The following ELAPOR1 variants were observed in gnomAD, a reference collection of about 807,000 sequenced individuals.
ELAPOR1 encodes the protein endosome/lysosome-associated apoptosis and autophagy regulator 1.
ELAPOR1 carries 77 observed loss-of-function variants against 119.7 expected under a neutral mutation model. The ratio of observed to expected loss-of-function variants is 0.64; its 90% CI spans 0.54 to 0.78. The LOEUF (loss-of-function observed/expected upper bound fraction) is 0.78. Among genes scored for constraint, ELAPOR1 ranks in the 30% least tolerant of loss-of-function variants. The pLI is 0.00. For missense variants in ELAPOR1, 1,115 were observed against 1,270.4 expected (o/e 0.88, Z 1.86); for synonymous variants, 481 against 487.2 (o/e 0.99, Z 0.17).
intron 1 of ELAPOR1, among the ~76,000 whole-genome samples, chr1:109,156,942 G>A (rs545649273): frequency 6.6e-6 from 1 of 152,196 alleles, no homozygotes; most frequent in African/African-American, 2.4e-5. Context: ...CTCCCAGAGA[G>A]GTGCTTCTCT....
intron 8 of ELAPOR1, chr1:109,186,900 T>C (rs557212185): frequency 1.0e-6 from 1 of 985,468 alleles, no homozygotes; most frequent in East Asian, 1.1e-4. Flanking sequence ...AGATGCTGGG[T>C]CAGACCAAAG....
chr1:109,131,076 G>A lies in ELAPOR1; in HGVS notation c.153+16740G>A, dbSNP rs985975845. On this transcript the variant is annotated intron_variant, in intron 1 of 21. Transcript: ENST00000369939. ...GCTCAGAGTCTCTTAGGAGGTTACAGTCAAGATGTCCTCCAGGGCTGCAGT... is the reference window on the plus strand; with the variant it reads ...GCTCAGAGTCTCTTAGGAGGTTACAATCAAGATGTCCTCCAGGGCTGCAGT... Among the ~76,000 whole-genome samples the A allele has an allele frequency of 5.9e-5, 9 of 152,234 alleles. No homozygotes were observed. In the East Asian group the frequency reaches 1.7e-3, roughly 29 times the overall value.
At chr1:109,146,937 A>G (rs1344553128) in intron 1 of ELAPOR1, among the ~76,000 whole-genome samples, 1 of 150,558 alleles carries the variant, frequency 6.6e-6, no homozygotes, top group Admixed American at 6.6e-5. Flanking sequence ...ACAGAGACTC[A>G]CTTTGTCACC....
At chr1:109,138,512 C>T (rs538611804) in intron 1 of ELAPOR1, among the ~76,000 whole-genome samples, 2 of 150,474 alleles carry the variant, frequency 1.3e-5, no homozygotes, top group Non-Finnish European at 3.0e-5. Context: ...TTTGTGAGGC[C>T]TAGATAAAAT....
intron 1 of ELAPOR1, among the ~76,000 whole-genome samples, chr1:109,145,548 C>T (rs1424549078): frequency 6.6e-6 from 1 of 151,910 alleles, no homozygotes; most frequent in Admixed American, 6.6e-5. Context: ...CTCAGCTACT[C>T]GGGAGGCTGA....
chr1:109,154,768 G>A (rs961122638), intron 1 of ELAPOR1, among the ~76,000 whole-genome samples: 1 of 152,360 alleles, frequency 6.6e-6, no homozygotes, highest in East Asian at 1.9e-4. Context: ...TCTTAGCTCT[G>A]CTGTTGCAGG....
At chr1:109,140,737 C>T (rs1423199222) in intron 1 of ELAPOR1, among the ~76,000 whole-genome samples, 1 of 152,170 alleles carries the variant, frequency 6.6e-6, no homozygotes, top group East Asian at 1.9e-4. Context: ...GTTTCATTAT[C>T]AGAGCAAAAG....
At chr1:109,133,721 T>A (rs1297390633) in intron 1 of ELAPOR1, among the ~76,000 whole-genome samples, 2 of 152,204 alleles carry the variant, frequency 1.3e-5, no homozygotes, top group Non-Finnish European at 2.9e-5. Flanking sequence ...TTAATTACTG[T>A]CTATGAACCA....
chr1:109,140,521 T>C (rs1353242103), intron 1 of ELAPOR1, among the ~76,000 whole-genome samples: 3 of 151,998 alleles, frequency 2.0e-5, no homozygotes, highest in African/African-American at 4.8e-5. Flanking sequence ...AGAGAATGGA[T>C]TGGAGGGGAG....
At chr1:109,195,448 C>G (rs916839220) in intron 15 of ELAPOR1, among the ~76,000 whole-genome samples, 1 of 150,938 alleles carries the variant, frequency 6.6e-6, no homozygotes, top group Non-Finnish European at 1.5e-5. Flanking sequence ...GAGCGGAGAT[C>G]ACGCCACTAC....
At chr1:109,194,342 G>A (rs1653641032) in intron 14 of ELAPOR1, 79 bp from the exon 15 acceptor site, 3 of 1,346,674 alleles carry the variant, frequency 2.2e-6, no homozygotes, top group Admixed American at 3.5e-5. Context: ...CCAGACGGGG[G>A]AGAAAACTGC....
At chr1:109,114,525 C>A (rs1647858113) in intron 1 of ELAPOR1, among the ~76,000 whole-genome samples, 189 bp downstream of exon 1, 1 of 152,066 alleles carries the variant, frequency 6.6e-6, no homozygotes, top group African/African-American at 2.4e-5. Flanking sequence ...GGAGGACTCA[C>A]GGATAGATCA....
intron 5 of ELAPOR1, 135 bp from the exon 6 acceptor site, chr1:109,173,339 G>A: frequency 1.4e-6 from 1 of 717,232 alleles, no homozygotes; most frequent in South Asian, 1.7e-5. Flanking sequence ...ACAGAGCTGA[G>A]GAAGAGGAGG....
At chr1:109,182,523 A>G (rs2101086375) in intron 7 of ELAPOR1, among the ~76,000 whole-genome samples, 1 of 152,132 alleles carries the variant, frequency 6.6e-6, no homozygotes, top group South Asian at 2.1e-4. Flanking sequence ...CTAAAGTGAC[A>G]CAGCTGCTAA....
At chr1:109,180,730 C>T (rs757012794) in intron 7 of ELAPOR1, among the ~76,000 whole-genome samples, 2 of 151,956 alleles carry the variant, frequency 1.3e-5, no homozygotes, top group Non-Finnish European at 2.9e-5. Context: ...TTTGGGAGGC[C>T]GAGGCAGGAG....
At chr1:109,119,531 T>A (rs1387936188) in intron 1 of ELAPOR1, among the ~76,000 whole-genome samples, 1 of 152,008 alleles carries the variant, frequency 6.6e-6, no homozygotes, top group Admixed American at 6.6e-5. Flanking sequence ...ACAATCTTAT[T>A]TAGATCTGTT....
Position 109,188,281 on chromosome 1 carries a change from C to A in ELAPOR1, c.1146C>A (p.Cys382Ter). 1 of 1,614,230 alleles carries A rather than the reference C, an allele frequency of 6.2e-7. No individual in the cohort carries two copies. The highest frequency in any genetic ancestry group is 8.5e-7 in the Non-Finnish European group (1 of 1,180,030). ...ASGVKTHCPP[C>*]NPGFFKTNNS... ...GTGTGAAGACCCACTGCCCACCCTG[C>A]AACCCAGGCTTCTTCAAAACCAACA... Residue 382 changes from cysteine (C) to a stop codon, truncating the protein, a stop_gained, in exon 9 of 22, where the codon TGC (cysteine) becomes TGA (stop). Coordinates refer to ENST00000369939, the MANE Select transcript of ELAPOR1 (RefSeq NM_020775.5). LOFTEE classifies it high-confidence loss of function.
intron 1 of ELAPOR1, among the ~76,000 whole-genome samples, chr1:109,124,784 C>T (rs1456539055): frequency 6.6e-6 from 1 of 152,194 alleles, no homozygotes. Flanking sequence ...CATTCTTGGT[C>T]CATAACTGAG....
At chr1:109,152,085 G>T (rs1367599792) in intron 1 of ELAPOR1, among the ~76,000 whole-genome samples, 1 of 152,102 alleles carries the variant, frequency 6.6e-6, no homozygotes, top group Non-Finnish European at 1.5e-5. Context: ...TATTGCCCAG[G>T]CTGGTCTTGA....
Sources: gnomAD v4.1 joint callset for allele counts (sites outside exome capture counted in the v4.1 genomes callset) on GRCh38, gnomAD v4.1.1 for gene constraint, MANE v1.5 for transcripts, NCBI Gene and HGNC (gene_info 2026-07-23, HGNC 2026-07-21) for gene names.